Variants in CEP83 observed in about 807,000 individuals in gnomAD.
CEP83 encodes centrosomal protein 83.
A neutral mutation model predicts 101.9 loss-of-function variants in CEP83; 70 were observed. The observed-to-expected ratio is 0.69, with a 90% CI of 0.57 to 0.84. The LOEUF (loss-of-function observed/expected upper bound fraction) is 0.84, where lower values mean the gene tolerates loss of function less well. CEP83 is among the 40% of genes least tolerant of loss of function. The pLI, the probability that CEP83 is intolerant of heterozygous loss-of-function variation, is 0.00. For missense variants in CEP83, 715 were observed against 787.2 expected (o/e 0.91, Z 1.10); for synonymous variants, 264 against 267.9 (o/e 0.99, Z 0.14).
At chr12:94,449,473 C>T (rs531131440) in intron 1 of CEP83, among the ~76,000 whole-genome samples, 40 of 151,932 alleles carry the variant, frequency 2.6e-4, no homozygotes, top group Non-Finnish European at 4.4e-4. Context: ...TTATACAGCA[C>T]GGACTGGGCA....
chr12:94,305,435 A>G (rs1279402594), downstream of CEP83: 4 of 593,418 alleles, frequency 6.7e-6, no homozygotes, highest in East Asian at 2.8e-5. Flanking sequence ...GCACATGCAC[A>G]GCTTTTAGAA....
chr12:94,378,215 C>G (rs547892200), intron 7 of CEP83, among the ~76,000 whole-genome samples: 1 of 152,050 alleles, frequency 6.6e-6, no homozygotes, highest in East Asian at 1.9e-4. Context: ...AAATGGAAAC[C>G]AAGAATTTTC....
intron 2 of CEP83, among the ~76,000 whole-genome samples, chr12:94,413,861 CACACATACAT>C (rs2064081794): frequency 6.8e-6 from 1 of 147,036 alleles, no homozygotes; most frequent in African/African-American, 2.5e-5. Context: ...CACACACACA[CACACATACAT>C]ACATATTTTT....
rs375659867 is a variant in CEP83, at chr12:94,331,833, T to C, written c.1578-4A>G. The C allele has an allele frequency of 1.2e-6, 2 of 1,611,284 alleles. No individual in the cohort carries two copies. The highest frequency in any genetic ancestry group is 1.7e-5 in the Admixed American group (1 of 59,998). On this transcript the variant is annotated splice_region_variant and splice_polypyrimidine_tract_variant and intron_variant, in intron 13 of 16. Transcript: ENST00000397809. ...TATCTGTTTCTCTTCCAATGTCCTG[T>C]CAGAAGAATGTATGTAAAACATGGA...
At chr12:94,390,203 C>T (rs1206628725) in intron 6 of CEP83, among the ~76,000 whole-genome samples, 3 of 152,194 alleles carry the variant, frequency 2.0e-5, no homozygotes, top group Non-Finnish European at 4.4e-5. Flanking sequence ...AACTGGGAGA[C>T]ACCTCTCAGT....
At chr12:94,427,376 TCAGTGAAAGG>T (rs1289350205) in intron 2 of CEP83, among the ~76,000 whole-genome samples, 1 of 152,258 alleles carries the variant, frequency 6.6e-6, no homozygotes, top group Non-Finnish European at 1.5e-5. Context: ...TGGGCTAGTC[TCAGTGAAAGG>T]CAGTTTTTAA....
chr12:94,420,979 T>C (rs1268220196), intron 2 of CEP83, among the ~76,000 whole-genome samples: 2 of 152,116 alleles, frequency 1.3e-5, no homozygotes, highest in Non-Finnish European at 2.9e-5. Flanking sequence ...GGAGGTTTGC[T>C]TTGTAACTTG....
chr12:94,296,565 C>G, the CEP83 span, among the ~76,000 whole-genome samples: 1 of 152,206 alleles, frequency 6.6e-6, no homozygotes, highest in Non-Finnish European at 1.5e-5. Flanking sequence ...CTACTCTTGA[C>G]TTGCTCTGTG....
At chr12:94,271,343 T>C in the CEP83 span, among the ~76,000 whole-genome samples, 1 of 152,204 alleles carries the variant, frequency 6.6e-6, no homozygotes, top group Non-Finnish European at 1.5e-5. Context: ...GACAGTGAGG[T>C]AGCCAGATCA....
At chr12:94,336,724 C>A (rs2059464269) in intron 11 of CEP83, among the ~76,000 whole-genome samples, 1 of 152,192 alleles carries the variant, frequency 6.6e-6, no homozygotes, top group Admixed American at 6.5e-5. Flanking sequence ...ACCGTCAGTA[C>A]CAGTCACATT....
chr12:94,423,747 C>A (rs1329327102), intron 2 of CEP83: 1 of 1,612,780 alleles, frequency 6.2e-7, no homozygotes, highest in Non-Finnish European at 8.5e-7. Flanking sequence ...CCCACTGTTA[C>A]TTGTTGAACT....
In CEP83 at chr12:94,331,681, T is replaced by C. The variant is rs749523761; in HGVS notation, c.1707+19A>G. ...GCCACCATGCCTGGCCAGAGATCAC[T>C]TTAATAAGAACCACTTGCCTTTTTC... On this transcript the variant is annotated intron_variant, in intron 14 of 16. Coordinates refer to ENST00000397809, the MANE Select transcript of CEP83 (RefSeq NM_016122.3). The C allele has an allele frequency of 1.2e-6, 2 of 1,612,300 alleles. No individual in the cohort carries two copies. Among genetic ancestry groups the C allele is most frequent in the Non-Finnish European group, 1.7e-6 (2 of 1,179,460 alleles).
intron 13 of CEP83, among the ~76,000 whole-genome samples, chr12:94,332,122 C>T (rs1186103341): frequency 6.6e-6 from 1 of 152,182 alleles, no homozygotes; most frequent in African/African-American, 2.4e-5. Flanking sequence ...AGGATTAGAG[C>T]AGTTAACGAA....
chr12:94,271,581 A>C, the CEP83 span, among the ~76,000 whole-genome samples: 1 of 152,232 alleles, frequency 6.6e-6, no homozygotes, highest in South Asian at 2.1e-4. Context: ...GGGCTCAGCC[A>C]CTTTACTCTG....
At chr12:94,378,595 G>T (rs955944850) in intron 7 of CEP83, among the ~76,000 whole-genome samples, 196 bp downstream of exon 7, 1 of 152,130 alleles carries the variant, frequency 6.6e-6, no homozygotes, top group Non-Finnish European at 1.5e-5. Flanking sequence ...ATACCCCTTT[G>T]TAAATGTGGT....
chr12:94,452,939 C>T (rs1483041246), intron 1 of CEP83, among the ~76,000 whole-genome samples: 1 of 152,182 alleles, frequency 6.6e-6, no homozygotes, highest in African/African-American at 2.4e-5. Flanking sequence ...CTCCAAAGTA[C>T]ATACTCTTTC....
intron 8 of CEP83, among the ~76,000 whole-genome samples, chr12:94,371,581 G>A (rs2061312330): frequency 1.3e-5 from 2 of 152,116 alleles, no homozygotes; most frequent in South Asian, 4.1e-4. Flanking sequence ...TATGGAATCA[G>A]AGTAGGAAAC....
chr12:94,366,136 T>G (rs567222184), intron 11 of CEP83, among the ~76,000 whole-genome samples: 2 of 152,216 alleles, frequency 1.3e-5, no homozygotes, highest in Non-Finnish European at 2.9e-5. Context: ...TTTTTTGTTT[T>G]TGTTTTTTTT....
At chr12:94,444,485 A>G (rs1234675802) in intron 1 of CEP83, among the ~76,000 whole-genome samples, 1 of 152,236 alleles carries the variant, frequency 6.6e-6, no homozygotes, top group Non-Finnish European at 1.5e-5. Flanking sequence ...AAATGAATAT[A>G]TCTTTTCATT....
Sources: allele counts gnomAD v4.1 joint callset (sites outside exome capture counted in the v4.1 genomes callset), GRCh38; gene constraint gnomAD v4.1.1; transcripts MANE v1.5; gene names NCBI Gene and HGNC (gene_info 2026-07-23, HGNC 2026-07-21).